PRELID2: variants seen among roughly 807,000 people sequenced by gnomAD.
The protein encoded by PRELID2 is PRELI domain containing 2.
In PRELID2, 25 loss-of-function variants were observed where a neutral mutation model predicts 28.4. The ratio of observed to expected loss-of-function variants is 0.88; its 90% CI spans 0.64 to 1.23. PRELID2 has a LOEUF of 1.23. PRELID2 is among the 50% of genes most tolerant of loss of function. The pLI, the probability that PRELID2 is intolerant of heterozygous loss-of-function variation, is 0.00. For missense variants in PRELID2, 201 were observed against 214.4 expected (o/e 0.94, Z 0.39); for synonymous variants, 76 against 71.6 (o/e 1.06, Z -0.31).
chr5:145,775,557 C>T (rs1288106051), intron 5 of PRELID2, among the ~76,000 whole-genome samples: 1 of 152,210 alleles, frequency 6.6e-6, no homozygotes, highest in Non-Finnish European at 1.5e-5. Context: ...CTCCCTTGTG[C>T]ACTCTGGAGA....
chr5:145,764,841 T>C (rs1009346353), intron 6 of PRELID2, 90 bp downstream of exon 6: 1 of 867,990 alleles, frequency 1.2e-6, no homozygotes, highest in Non-Finnish European at 1.9e-6. Context: ...GCAGCGTGAA[T>C]AGCCCAGGGA....
At chr5:145,586,671 C>G (rs1231023462) in intron 1 of PRELID2, among the ~76,000 whole-genome samples, 1 of 152,108 alleles carries the variant, frequency 6.6e-6, no homozygotes, top group African/African-American at 2.4e-5. Flanking sequence ...TTCCACCCCA[C>G]AGAAGTCCCC....
chr5:145,644,062 T>C (rs1193359081), intron 1 of PRELID2, among the ~76,000 whole-genome samples: 1 of 152,212 alleles, frequency 6.6e-6, no homozygotes, highest in Non-Finnish European at 1.5e-5. Context: ...CTTTTTCTTT[T>C]GTTTGGAATA....
chr5:145,542,419 G>C (rs1752751055), intron 1 of PRELID2, among the ~76,000 whole-genome samples: 1 of 152,108 alleles, frequency 6.6e-6, no homozygotes, highest in East Asian at 1.9e-4. Context: ...CAGATATTAT[G>C]GATCACCTAC....
At chr5:145,559,387 A>G (rs1183490913) in intron 1 of PRELID2, among the ~76,000 whole-genome samples, 4 of 152,228 alleles carry the variant, frequency 2.6e-5, no homozygotes, top group South Asian at 4.1e-4. Context: ...AAAGACAGAT[A>G]TATGTCTACT....
intron 1 of PRELID2, chr5:145,729,180 G>C: frequency 1.5e-6 from 1 of 677,104 alleles, no homozygotes; most frequent in South Asian, 1.7e-5. Flanking sequence ...AGTATCATTT[G>C]TATCAGTGAT....
At chr5:145,406,127 C>T in the PRELID2 span, among the ~76,000 whole-genome samples, 1 of 152,084 alleles carries the variant, frequency 6.6e-6, no homozygotes, top group East Asian at 1.9e-4. Context: ...AATCACCTCC[C>T]ACCAGGCCCT....
At chr5:145,512,276 T>G (rs370551372) in intron 1 of PRELID2, among the ~76,000 whole-genome samples, 2 of 152,248 alleles carry the variant, frequency 1.3e-5, no homozygotes, top group African/African-American at 4.8e-5. Context: ...TGGGACTGGT[T>G]AGACAGTGGG....
At chr5:145,572,928 C>T (rs1308607584) in intron 1 of PRELID2, among the ~76,000 whole-genome samples, 1 of 152,112 alleles carries the variant, frequency 6.6e-6, no homozygotes, top group Non-Finnish European at 1.5e-5. Flanking sequence ...GCATGAGAGA[C>T]CCATCTGGCT....
intron 1 of PRELID2, among the ~76,000 whole-genome samples, chr5:145,680,318 T>C (rs1754907138): frequency 6.6e-6 from 1 of 152,234 alleles, no homozygotes; most frequent in South Asian, 2.1e-4. Flanking sequence ...AAGAGGGATA[T>C]CTTTGTGGAT....
the PRELID2 span, among the ~76,000 whole-genome samples, chr5:145,250,205 A>G: frequency 4.6e-5 from 7 of 152,168 alleles, no homozygotes; most frequent in African/African-American, 1.7e-4. Context: ...AAATACACAC[A>G]GACAACCTTC....
intron 1 of PRELID2, among the ~76,000 whole-genome samples, chr5:145,591,704 T>A (rs1399344605): frequency 2.6e-5 from 4 of 152,164 alleles, no homozygotes; most frequent in Non-Finnish European, 5.9e-5. Flanking sequence ...AAGCTGACCA[T>A]CCCTGCTATG....
intron 4 of PRELID2, among the ~76,000 whole-genome samples, chr5:145,808,550 AT>A (rs1415787227): frequency 1.3e-5 from 2 of 152,180 alleles, no homozygotes; most frequent in Admixed American, 1.3e-4. Flanking sequence ...AGTGAAGAAT[AT>A]TCATGAGTAA....
rs148584795 is a variant in PRELID2, at chr5:145,541,991, A to T, written n.71-68676T>A. ...GAAGAAATTCATGATAAGTAAAAAA[A>T]GAATATATTTTGGGGTTTGGGGGAA... On this transcript the variant is annotated intron_variant and non_coding_transcript_variant, in intron 1 of 2. Transcript: ENST00000510259. Among the ~76,000 whole-genome samples, 990 of 152,226 alleles carry T rather than the reference A, an allele frequency of 6.5e-3. 17 individuals carry two copies. The highest frequency in any genetic ancestry group is 0.022 in the African/African-American group (926 of 41,552).
the PRELID2 span, among the ~76,000 whole-genome samples, chr5:145,296,946 T>C: frequency 3.3e-5 from 5 of 152,224 alleles, no homozygotes; most frequent in South Asian, 4.1e-4. Context: ...TGGCCAGTGA[T>C]GGTGAGCATT....
At chr5:145,231,612 A>C in the PRELID2 span, among the ~76,000 whole-genome samples, 6 of 152,194 alleles carry the variant, frequency 3.9e-5, no homozygotes, top group Non-Finnish European at 7.3e-5. Context: ...ACTAGAATTG[A>C]GTCTGAAGTG....
intron 1 of PRELID2, among the ~76,000 whole-genome samples, chr5:145,546,859 AAG>A (rs1022299714): frequency 6.6e-6 from 1 of 152,172 alleles, no homozygotes; most frequent in African/African-American, 2.4e-5. Flanking sequence ...ACACAGAGGA[AAG>A]AGAAGAGGGA....
chr5:145,729,936 G>A (rs1198832173), intron 1 of PRELID2, among the ~76,000 whole-genome samples: 4 of 152,214 alleles, frequency 2.6e-5, no homozygotes, highest in Non-Finnish European at 5.9e-5. Context: ...TGGTGAGAAT[G>A]TGGGGTTGAA....
chr5:145,818,798 A>T (rs115155434), intron 3 of PRELID2, among the ~76,000 whole-genome samples: 1,793 of 152,308 alleles, frequency 0.012, 36 homozygotes, highest in African/African-American at 0.041. Flanking sequence ...TGTTCCACAT[A>T]CAGCACAGCA....
Sources: allele counts gnomAD v4.1 joint callset (sites outside exome capture counted in the v4.1 genomes callset), GRCh38; gene constraint gnomAD v4.1.1; transcripts MANE v1.5; gene names NCBI Gene and HGNC (gene_info 2026-07-23, HGNC 2026-07-21).